The following RANBP2 variants were observed in gnomAD, a reference collection of about 807,000 sequenced individuals.
The protein encoded by RANBP2 is RAN binding protein 2.
Under a neutral mutation model 303.6 loss-of-function variants are expected in RANBP2, and 57 were observed. The ratio of observed to expected loss-of-function variants is 0.19; its 90% confidence interval spans 0.15 to 0.23. RANBP2 has a LOEUF of 0.23. Ranked by LOEUF, RANBP2 falls within the 10% of genes least tolerant of loss-of-function variation. RANBP2 has a pLI of 1.00. For missense variants in RANBP2, 3,138 were observed against 3,780.8 expected (o/e 0.83, Z 4.46); for synonymous variants, 1,167 against 1,301.5 (o/e 0.90, Z 2.23).
chr2:109,713,337 G>C, the RANBP2 span, among the ~76,000 whole-genome samples: 19 of 152,140 alleles, frequency 1.2e-4, no homozygotes, highest in Non-Finnish European at 2.8e-4. Context: ...GCTCCCTGAA[G>C]TCTAAATACA....
chr2:108,903,608 A>G, the RANBP2 span, among the ~76,000 whole-genome samples: 3 of 152,170 alleles, frequency 2.0e-5, no homozygotes, highest in South Asian at 2.1e-4. Flanking sequence ...AAATATGCCA[A>G]ACTGATTTTT....
the RANBP2 span, among the ~76,000 whole-genome samples, chr2:109,630,488 G>A: frequency 6.6e-6 from 1 of 152,130 alleles, no homozygotes; most frequent in Non-Finnish European, 1.5e-5. Flanking sequence ...GCCCTGCCTT[G>A]CGGTTCCTGT....
At chr2:108,974,401 C>A in the RANBP2 span, among the ~76,000 whole-genome samples, 1 of 149,408 alleles carries the variant, frequency 6.7e-6, no homozygotes, top group Non-Finnish European at 1.5e-5. Flanking sequence ...CACGATGGTA[C>A]CCTGTTTATG....
the RANBP2 span, among the ~76,000 whole-genome samples, chr2:109,712,063 C>T: frequency 1.3e-5 from 2 of 152,332 alleles, no homozygotes; most frequent in Admixed American, 1.3e-4. Flanking sequence ...TGCAACACCA[C>T]GCTCCATTTT....
At chr2:108,829,445 A>G in the RANBP2 span, among the ~76,000 whole-genome samples, 1 of 152,142 alleles carries the variant, frequency 6.6e-6, no homozygotes, top group Non-Finnish European at 1.5e-5. Flanking sequence ...CTTAACACCT[A>G]TTAGAATGTT....
the RANBP2 span, among the ~76,000 whole-genome samples, chr2:109,109,220 T>G: frequency 2.0e-5 from 3 of 152,218 alleles, 1 homozygote; most frequent in Non-Finnish European, 4.4e-5. Flanking sequence ...AATGGAGCGC[T>G]CTTGAAAAGC....
At chr2:109,234,802 G>T in the RANBP2 span, among the ~76,000 whole-genome samples, 2 of 152,182 alleles carry the variant, frequency 1.3e-5, no homozygotes, top group Non-Finnish European at 2.9e-5. Context: ...ACTTCCTGGG[G>T]AAATTCAACC....
the RANBP2 span, among the ~76,000 whole-genome samples, chr2:109,462,341 G>A: frequency 3.3e-5 from 5 of 151,918 alleles, no homozygotes; most frequent in Non-Finnish European, 7.4e-5. Flanking sequence ...AGCATTTGCC[G>A]AATTAATCAC....
the RANBP2 span, among the ~76,000 whole-genome samples, chr2:108,855,627 T>C: frequency 6.6e-6 from 1 of 152,216 alleles, no homozygotes; most frequent in Non-Finnish European, 1.5e-5. Context: ...TTGGTGTTCC[T>C]TGAACTAAAT....
chr2:109,092,085 G>A, the RANBP2 span, among the ~76,000 whole-genome samples: 1 of 152,112 alleles, frequency 6.6e-6, no homozygotes, highest in Admixed American at 6.6e-5. Context: ...TTAGGGATCT[G>A]ATTTGGAAGG....
the RANBP2 span, among the ~76,000 whole-genome samples, chr2:109,440,701 G>A: frequency 7.9e-5 from 12 of 152,138 alleles, no homozygotes; most frequent in African/African-American, 2.7e-4. Flanking sequence ...GAGGAGCCCC[G>A]AGGATGTGGA....
the RANBP2 span, among the ~76,000 whole-genome samples, chr2:108,830,171 A>G: frequency 6.6e-6 from 1 of 152,224 alleles, no homozygotes; most frequent in African/African-American, 2.4e-5. Context: ...GACAAATATG[A>G]GATGATTCTG....
the RANBP2 span, among the ~76,000 whole-genome samples, chr2:109,564,900 G>A: frequency 6.6e-6 from 1 of 152,296 alleles, no homozygotes; most frequent in East Asian, 1.9e-4. Context: ...AATGTTTAAA[G>A]AGTATGTAAT....
At chr2:109,344,855 T>A in the RANBP2 span, among the ~76,000 whole-genome samples, 1 of 152,094 alleles carries the variant, frequency 6.6e-6, no homozygotes, top group African/African-American at 2.4e-5. Flanking sequence ...AGCTTGCAGA[T>A]GTCCAGCAGA....
chr2:109,676,197 G>C, the RANBP2 span, among the ~76,000 whole-genome samples: 5 of 152,190 alleles, frequency 3.3e-5, no homozygotes, highest in Admixed American at 3.3e-4. Context: ...GCTGGGAGAA[G>C]CCCTTGCTTT....
rs375165227 is a variant in RANBP2, at chr2:108,772,470, T to C, written c.8021-19T>C. 7 of 1,600,400 alleles carry C rather than the reference T, an allele frequency of 4.4e-6. No individual in the cohort carries two copies. The highest frequency in any genetic ancestry group is 3.3e-5 in the Admixed American group (2 of 59,872). On this transcript the variant is annotated intron_variant, in intron 21 of 28. Coordinates refer to ENST00000283195, the MANE Select transcript of RANBP2 (RefSeq NM_006267.5). The stretch of plus-strand genomic sequence containing the variant: ...CCCCAAAATTAACTAGAAATTCTTT[T>C]AATCAATTGTATTTTAAGATGAAGA...
the RANBP2 span, among the ~76,000 whole-genome samples, chr2:108,867,953 C>G: frequency 6.6e-6 from 1 of 152,170 alleles, no homozygotes; most frequent in Non-Finnish European, 1.5e-5. Flanking sequence ...TTACCCTTGC[C>G]TTAGAATTCT....
chr2:109,608,217 G>A, the RANBP2 span, among the ~76,000 whole-genome samples: 1 of 152,122 alleles, frequency 6.6e-6, no homozygotes, highest in Non-Finnish European at 1.5e-5. Flanking sequence ...TGCAGCTAAG[G>A]AAAAATGTCA....
At chr2:109,276,875 A>G in the RANBP2 span, among the ~76,000 whole-genome samples, 1 of 152,070 alleles carries the variant, frequency 6.6e-6, no homozygotes, top group African/African-American at 2.4e-5. Flanking sequence ...CTAAATTCAC[A>G]TGGAAAAAAA....
Sources: gnomAD v4.1 joint callset for allele counts (sites outside exome capture counted in the v4.1 genomes callset) on GRCh38, gnomAD v4.1.1 for gene constraint, MANE v1.5 for transcripts, NCBI Gene and HGNC (gene_info 2026-07-23, HGNC 2026-07-21) for gene names.